TAMM41: variants seen among roughly 807,000 people sequenced by gnomAD.
TAMM41 encodes the protein TAM41 mitochondrial translocator assembly and maintenance homolog, also known as phosphatidate cytidylyltransferase, mitochondrial.
In TAMM41, 36 loss-of-function variants were observed where a neutral mutation model predicts 44.1. The observed-to-expected ratio is 0.82, with a 90% CI of 0.63 to 1.08. The LOEUF is 1.08. TAMM41 is among the 50% of genes least tolerant of loss of function. TAMM41 has a pLI of 0.00. For missense variants in TAMM41, 417 were observed against 404.3 expected (o/e 1.03, Z -0.27); for synonymous variants, 164 against 153.1 (o/e 1.07, Z -0.53).
In TAMM41 at chr3:11,829,816, C is replaced by T. The variant is rs762883795; in HGVS notation, c.460G>A (p.Asp154Asn). ...NEDVTLRSAL[D>N]RNLKSAVTAA... Reference sequence around the variant, plus strand: ...GTCACAGCACTCTTCAGATTTCTATCGAGGGCTGATCTAAGAGTGACATCC... The same window carrying T: ...GTCACAGCACTCTTCAGATTTCTATTGAGGGCTGATCTAAGAGTGACATCC... The change falls in exon 4 of 8, where the codon GAT becomes AAT. Residue 154 changes from aspartate (D) to asparagine (N), a missense_variant. Asp to Asn is a conservative substitution (Grantham distance 23, BLOSUM62 1). Transcript: ENST00000455809. 37 of 1,614,020 alleles carry T rather than the reference C, an allele frequency of 2.3e-5. No homozygotes were observed. The South Asian group carries it at 2.9e-4, about 12-fold the overall frequency.
At chr3:11,841,066 C>T (rs954888730) in intron 2 of TAMM41, among the ~76,000 whole-genome samples, 68 of 141,596 alleles carry the variant, frequency 4.8e-4, no homozygotes, top group African/African-American at 1.4e-3. Context: ...TAGTTCAGCC[C>T]ATTTCTATTT....
intron 3 of TAMM41, among the ~76,000 whole-genome samples, chr3:11,837,182 T>C (rs766093468): frequency 9.2e-5 from 14 of 152,176 alleles, no homozygotes; most frequent in Non-Finnish European, 1.8e-4. Flanking sequence ...GCTAAGGCTA[T>C]GGAAATCTGT....
At chr3:11,748,958 G>GCTCT in the TAMM41 span, among the ~76,000 whole-genome samples, 2 of 142,686 alleles carry the variant, frequency 1.4e-5, no homozygotes, top group Non-Finnish European at 3.0e-5. Context: ...TGTCACCCAG[G>GCTCT]GTGGAGTGCA....
At chr3:11,835,309 C>A (rs2079132933) in intron 3 of TAMM41, among the ~76,000 whole-genome samples, 1 of 151,696 alleles carries the variant, frequency 6.6e-6, no homozygotes, top group Admixed American at 6.6e-5. Flanking sequence ...AAATTGGGAG[C>A]AAGGTAGAAG....
chr3:11,812,432 T>C (rs2078116641), intron 5 of TAMM41, among the ~76,000 whole-genome samples: 1 of 152,180 alleles, frequency 6.6e-6, no homozygotes, highest in African/African-American at 2.4e-5. Flanking sequence ...CGCTGTACTA[T>C]ATTCCCAACT....
At chr3:11,825,402 CAG>C (rs2078707864) in intron 4 of TAMM41, among the ~76,000 whole-genome samples, 1 of 152,182 alleles carries the variant, frequency 6.6e-6, no homozygotes, top group South Asian at 2.1e-4. Context: ...AGTCCTGAGG[CAG>C]TCAGCTCCCA....
At chr3:11,780,118 A>T in the TAMM41 span, among the ~76,000 whole-genome samples, 1 of 152,228 alleles carries the variant, frequency 6.6e-6, no homozygotes, top group East Asian at 1.9e-4. Flanking sequence ...TGTAAAATGC[A>T]AATCCACTTT....
downstream of TAMM41, among the ~76,000 whole-genome samples, chr3:11,787,895 C>A (rs562285915): frequency 6.6e-5 from 10 of 152,212 alleles, no homozygotes; most frequent in African/African-American, 2.2e-4. Context: ...CCACTTCCCT[C>A]AGAGAAAGTC....
At chr3:11,732,691 G>C in the TAMM41 span, among the ~76,000 whole-genome samples, 10 of 152,180 alleles carry the variant, frequency 6.6e-5, no homozygotes, top group Admixed American at 1.3e-4. Flanking sequence ...CTGAGGAGGT[G>C]ACATTTGAGC....
intron 2 of TAMM41, among the ~76,000 whole-genome samples, chr3:11,843,056 C>T (rs796508289): frequency 1.2e-4 from 19 of 152,300 alleles, no homozygotes; most frequent in African/African-American, 4.6e-4. Flanking sequence ...CTCCAACAGC[C>T]CACTGTCAAA....
At chr3:11,734,901 T>TAAAAAAAA in the TAMM41 span, among the ~76,000 whole-genome samples, 1 of 114,016 alleles carries the variant, frequency 8.8e-6, no homozygotes, top group African/African-American at 5.0e-5. Flanking sequence ...AAAAAAAAAT[T>TAAAAAAAA]AGCCAGGTGT....
In TAMM41 at chr3:11,838,495, G is replaced by A. The variant is rs564156966; in HGVS notation, c.411+727C>T. ...GGCCTACCAAAGTCCTGGGATTACAGGTGTGAGCCACCACACCCAGCCGGG... is the reference window on the plus strand; with the variant it reads ...GGCCTACCAAAGTCCTGGGATTACAAGTGTGAGCCACCACACCCAGCCGGG... On this transcript the variant is annotated intron_variant, in intron 3 of 7. Coordinates refer to ENST00000455809, the MANE Select transcript of TAMM41 (RefSeq NM_001284401.2). Among the ~76,000 whole-genome samples the A allele has an allele frequency of 5.3e-5, 8 of 152,310 alleles. No individual in the cohort carries two copies. The East Asian group carries it at 1.2e-3, about 22-fold the overall frequency.
chr3:11,825,641 G>A (rs1027613706), intron 4 of TAMM41, among the ~76,000 whole-genome samples: 30 of 152,190 alleles, frequency 2.0e-4, no homozygotes, highest in African/African-American at 7.0e-4. Flanking sequence ...AGCTGAGGCT[G>A]TGTTCAGACA....
chr3:11,844,503 C>A (rs1238132811), intron 1 of TAMM41, among the ~76,000 whole-genome samples: 1 of 152,206 alleles, frequency 6.6e-6, no homozygotes, highest in African/African-American at 2.4e-5. Flanking sequence ...AAGGTAGCTA[C>A]TGCTATTATC....
chr3:11,758,261 G>A, the TAMM41 span, among the ~76,000 whole-genome samples: 1 of 152,180 alleles, frequency 6.6e-6, no homozygotes, highest in Non-Finnish European at 1.5e-5. Context: ...AAGAGTTCTG[G>A]GACATTTTGT....
the TAMM41 span, among the ~76,000 whole-genome samples, chr3:11,729,989 A>C: frequency 2.6e-5 from 4 of 152,198 alleles, no homozygotes; most frequent in African/African-American, 9.6e-5. Flanking sequence ...GGGCAGTGCA[A>C]CACTAGGATG....
downstream of TAMM41, among the ~76,000 whole-genome samples, chr3:11,789,145 C>T (rs1468329742): frequency 1.3e-5 from 2 of 152,148 alleles, no homozygotes; most frequent in Admixed American, 1.3e-4. Context: ...ATCTCACAGA[C>T]AGTGAAACTA....
downstream of TAMM41, among the ~76,000 whole-genome samples, chr3:11,787,680 T>C (rs1220722658): frequency 7.9e-5 from 12 of 152,216 alleles, no homozygotes; most frequent in Admixed American, 7.2e-4. Context: ...ATTTACGTTA[T>C]GTCATTTAAT....
the TAMM41 span, among the ~76,000 whole-genome samples, chr3:11,782,287 T>G: frequency 6.6e-6 from 1 of 152,186 alleles, no homozygotes; most frequent in African/African-American, 2.4e-5. Flanking sequence ...GGCTCACACC[T>G]GTAGTCCTAG....
Sources: gnomAD v4.1 joint callset for allele counts (sites outside exome capture counted in the v4.1 genomes callset) on GRCh38, gnomAD v4.1.1 for gene constraint, MANE v1.5 for transcripts, NCBI Gene and HGNC (gene_info 2026-07-23, HGNC 2026-07-21) for gene names.